Variants in NES observed in about 807,000 individuals in gnomAD.
NES encodes nestin.
NES carries 27 observed loss-of-function variants against 35.6 expected under a neutral mutation model. That is an observed-to-expected ratio of 0.76 (90% CI 0.56 to 1.04). The LOEUF (loss-of-function observed/expected upper bound fraction) is 1.04. Among genes scored for constraint, NES ranks in the 50% least tolerant of loss-of-function variants. The probability of loss-of-function intolerance (pLI) is 0.00; values close to 1 mark genes in which losing one functional copy is unlikely to be tolerated. For missense variants in NES, 1,867 were observed against 1,983.6 expected, an observed-to-expected ratio of 0.94 and a Z score of 1.12; for synonymous variants, 822 against 824.2, an observed-to-expected ratio of 1.00 and a Z score of 0.04.
At position 156,671,654 on chromosome 1, in the gene NES, G is replaced by A; in HGVS notation, c.2534C>T (p.Thr845Ile). Residue 845 changes from threonine to isoleucine, a missense_variant, in exon 4 of 4, where the codon ACT becomes ATT. Transcript: ENST00000368223. ...TTCTGGAGTCCACAGTGGTGCTTGA[G>A]TTTCTGGAGATTTCAGTGTTTCCAG... Reference protein sequence around the residue: ...ENLETLKSPETQAPLWTPEEI... With the variant: ...ENLETLKSPEIQAPLWTPEEI... 1.9e-6 allele frequency: 3 copies of A among 1,613,724 alleles called. No homozygotes were observed. The highest frequency in any genetic ancestry group is 1.7e-6 in the Non-Finnish European group (2 of 1,179,950).
At chr1:156,673,733 TC>T (rs1333178112) in intron 2 of NES, among the ~76,000 whole-genome samples, 6 of 152,100 alleles carry the variant, frequency 3.9e-5, no homozygotes, top group Non-Finnish European at 8.8e-5. Flanking sequence ...TCACACAAAG[TC>T]ACACTGTATT....
rs1369418921 is a variant in NES at position 156,672,674 on chromosome 1, A to G, written c.1514T>C (p.Val505Ala). ...GEGEGQIWGL[V>A]EKETAIEGKV... Reference sequence around the variant, plus strand: ...GCCCTCTATGGCTGTTTCTTTCTCTACCAACCCCCAGATTTGCCCTTCACC... The same window carrying G: ...GCCCTCTATGGCTGTTTCTTTCTCTGCCAACCCCCAGATTTGCCCTTCACC... The change falls in exon 4 of 4, where the codon GTA becomes GCA. Residue 505 changes from valine to alanine, a missense_variant. Val to Ala is a moderately conservative substitution (Grantham distance 64). Coordinates refer to ENST00000368223, the MANE Select transcript of NES (RefSeq NM_006617.2). The G allele has an allele frequency of 1.2e-6, 2 of 1,613,634 alleles. No individual in the cohort carries two copies. Among genetic ancestry groups the G allele is most frequent in the East Asian group, 2.2e-5 (1 of 44,876 alleles).
rs2102586643 is a variant in NES, at chr1:156,672,603, G to C, written c.1585C>G (p.Leu529Val). ...GAGTCCTGGATTTCCTTCCTGTTTA[G>C]ATCCTCTTCTTCCCATATTTCCTGC... ...LQQEIWEEED[L>V]NRKEIQDSQV... The change falls in exon 4 of 4, where the codon CTA becomes GTA. Residue 529 changes from leucine to valine, a missense_variant. Leu to Val is a conservative substitution (Grantham distance 32). Transcript: ENST00000368223. 3 of 1,613,714 alleles carry C rather than the reference G, an allele frequency of 1.9e-6. No individual in the cohort carries two copies. Among genetic ancestry groups the C allele is most frequent in the Non-Finnish European group, 2.5e-6 (3 of 1,179,978 alleles).
At position 156,673,030 on chromosome 1, in the gene NES, G is replaced by A; in HGVS notation, c.1158C>T (p.Ala386=). 6.2e-7 allele frequency: 1 copy of A among 1,611,340 alleles called. No homozygotes were observed. Among genetic ancestry groups the A allele is most frequent in the Non-Finnish European group, 8.5e-7 (1 of 1,177,926 alleles). ...EFLQARTPTL[A]STPIPPTPQA... is the part of the protein sequence containing the mutation. ...GAGGTGTGGGGGGGATGGGGGTGCT[G>A]GCCAAGGTAGGGGTACGGGCCTGGA... Residue 386 remains alanine (A), a synonymous_variant, in exon 4 of 4, where the codon GCC becomes GCT. Transcript: ENST00000368223.
rs533130540 is a variant in NES at position 156,676,285 on chromosome 1, C to T, written c.783+197G>A. ...CTGACTGCCCACCCGGGATGTGCTT[C>T]GAGAAGCCCCACCATTCGCATCCTA... On this transcript the variant is annotated intron_variant, in intron 1 of 3. Coordinates refer to ENST00000368223, the MANE Select transcript of NES (RefSeq NM_006617.2). The surrounding 1 kb of genome is among the most constrained non-coding windows in gnomAD (Gnocchi z 5.3). 1.2e-3 allele frequency among the ~76,000 whole-genome samples: 184 copies of T among 152,180 alleles called. No individual in the cohort carries two copies. Among genetic ancestry groups the T allele is most frequent in the Non-Finnish European group, 2.1e-3 (140 of 68,004 alleles).
At position 156,676,195 on chromosome 1, in the gene NES, G is replaced by C. The variant is rs568780240; in HGVS notation, c.783+287C>G. 6.6e-6 allele frequency among the ~76,000 whole-genome samples: 1 copy of C among 152,222 alleles called. No homozygotes were observed. The highest frequency in any genetic ancestry group is 2.4e-5 in the African/African-American group (1 of 41,458). On this transcript the variant is annotated intron_variant, in intron 1 of 3. Transcript: ENST00000368223. The surrounding 1 kb of genome is among the most constrained non-coding windows in gnomAD (Gnocchi z 5.3). ...AGCCTGGGAAGGGACCCGGAGCCCC[G>C]GTCATCATCAGAGCCAGAAGGTGCC...
intron 1 of NES, 149 bp from the exon 2 acceptor site, chr1:156,675,489 T>G: frequency 6.3e-5 from 53 of 842,426 alleles, no homozygotes; most frequent in Middle Eastern, 3.9e-4. Context: ...CCCTACCCTA[T>G]TCCCTGCCCA....
At chr1:156,674,833 C>T (rs1360286273) in intron 2 of NES, among the ~76,000 whole-genome samples, 5 of 152,232 alleles carry the variant, frequency 3.3e-5, no homozygotes, top group African/African-American at 4.8e-5. Context: ...GCCTGCAATG[C>T]CTCCTTTCCG....
Position 156,672,698 on chromosome 1 carries a change from C to T in NES, c.1490G>A (p.Gly497Asp). The T allele has an allele frequency of 6.2e-7, 1 of 1,613,798 alleles. No homozygotes were observed. The highest frequency in any genetic ancestry group is 8.5e-7 in the Non-Finnish European group (1 of 1,180,036). The change falls in exon 4 of 4, where the codon GGT becomes GAT. Residue 497 changes from glycine (G) to aspartate (D), a missense_variant. By Grantham distance (94) the Gly-to-Asp change is moderately conservative. Transcript: ENST00000368223. ...SRVFSICRGE[G>D]EGQIWGLVEK... Reference sequence around the variant, plus strand: ...TACCAACCCCCAGATTTGCCCTTCACCTTCCCCTCGGCATATGCTGAACAC... The same window carrying T: ...TACCAACCCCCAGATTTGCCCTTCATCTTCCCCTCGGCATATGCTGAACAC...
Position 156,676,837 on chromosome 1 carries a change from G to T in NES, c.428C>A (p.Ala143Glu). 6.9e-7 allele frequency: 1 copy of T among 1,455,836 alleles called. No homozygotes were observed. The highest frequency in any genetic ancestry group is 8.9e-7 in the Non-Finnish European group (1 of 1,117,698). 90.2% of individuals were successfully genotyped at this position (1,455,836 alleles called of 1,614,324 possible). ...CAGGCCGACGCGCTCCTCCTCGTGC[G>T]CCACGCGTAGAGCCTCTAGCTCGCG... ...LERELEALRV[A>E]HEEERVGLNA... The change falls in exon 1 of 4, where the codon GCG becomes GAG. Residue 143 changes from alanine to glutamate, a missense_variant. Transcript: ENST00000368223. The surrounding 1 kb of genome is among the most constrained non-coding windows in gnomAD (Gnocchi z 5.3).
At chr1:156,673,580 G>A (rs1012173547) in intron 2 of NES, 53 bp from the exon 3 acceptor site, 69 of 1,415,170 alleles carry the variant, frequency 4.9e-5, no homozygotes, top group Non-Finnish European at 5.8e-5. Context: ...AGGCCTGCAG[G>A]CAGCAAGCCA....
chr1:156,671,649 C>A lies in NES; in HGVS notation c.2539G>T (p.Ala847Ser). ...ATTTCTTCTGGAGTCCACAGTGGTG[C>A]TTGAGTTTCTGGAGATTTCAGTGTT... ...LETLKSPETQ[A>S]PLWTPEEINQ... Residue 847 changes from alanine (A) to serine (S), a missense_variant, in exon 4 of 4, where the codon GCA becomes TCA. Transcript: ENST00000368223. The A allele has an allele frequency of 6.2e-7, 1 of 1,613,754 alleles. No homozygotes were observed. Among genetic ancestry groups the A allele is most frequent in the Non-Finnish European group, 8.5e-7 (1 of 1,179,968 alleles).
intron 2 of NES, among the ~76,000 whole-genome samples, chr1:156,674,966 C>T (rs548689442): frequency 5.0e-4 from 76 of 152,346 alleles, no homozygotes; most frequent in Admixed American, 4.8e-3. Context: ...GAGGCTGTCC[C>T]GCTCGGCAAT....
At position 156,669,957 on chromosome 1, in the gene NES, C is replaced by G. The variant is rs1679675821; in HGVS notation, c.4231G>C (p.Gly1411Arg). The G allele has an allele frequency of 1.2e-6, 2 of 1,613,552 alleles. No homozygotes were observed. The highest frequency in any genetic ancestry group is 3.3e-4 in the Middle Eastern group (2 of 6,080). Residue 1411 changes from glycine to arginine, a missense_variant, in exon 4 of 4, where the codon GGG becomes CGG. Coordinates refer to ENST00000368223, the MANE Select transcript of NES (RefSeq NM_006617.2). ...AAWDRDGESD[G>R]FADEEESGEE... ...CCACTTTCTTCCTCATCTGCAAACC[C>G]ATCGGACTCCCCATCTCGATCCCAG... is the stretch of plus-strand genomic sequence containing the variant.
In NES at chr1:156,671,128, T is replaced by C; in HGVS notation, c.3060A>G (p.Lys1020=). 2 of 1,614,126 alleles carry C rather than the reference T, an allele frequency of 1.2e-6. No individual in the cohort carries two copies. The highest frequency in any genetic ancestry group is 1.7e-6 in the Non-Finnish European group (2 of 1,180,018). Residue 1020 remains lysine (K), a synonymous_variant, in exon 4 of 4, where the codon AAA becomes AAG. Transcript: ENST00000368223. ...CTCCCTCAACCAGGCCTCTCTGCTC[T>C]TTGGGCTCAGGGCTCTCTGGGTGCC... is the stretch of plus-strand genomic sequence containing the variant. ...GEGHPESPEP[K]EQRGLVEGAS...
rs1571461639 is a variant in NES at position 156,669,867 on chromosome 1, A to C, written c.4321T>G (p.Ser1441Ala). 1 of 1,612,376 alleles carries C rather than the reference A, an allele frequency of 6.2e-7. No individual in the cohort carries two copies. ...AGGGCCTGGAGGCTGCCAACAGAAG[A>C]CCCTGGCCCCCACCGCCCAGCCCCT... ...EPGAGRWGPG[S>A]SVGSLQALSS... Residue 1441 changes from serine (S) to alanine (A), a missense_variant, in exon 4 of 4, where the codon TCT becomes GCT. Coordinates refer to ENST00000368223, the MANE Select transcript of NES (RefSeq NM_006617.2).
In NES at chr1:156,677,201, A is replaced by G; in HGVS notation, c.64T>C (p.Tyr22His). 1 of 1,611,104 alleles carries G rather than the reference A, an allele frequency of 6.2e-7. No individual in the cohort carries two copies. The highest frequency in any genetic ancestry group is 1.3e-5 in the African/African-American group (1 of 74,934). Residue 22 changes from tyrosine to histidine, a missense_variant, in exon 1 of 4, where the codon TAC becomes CAC. Transcript: ENST00000368223. This position sits in a 1 kb window ranked among gnomAD's most constrained non-coding sequence, Gnocchi z 4.5. The stretch of plus-strand genomic sequence containing the variant: ...TCCAGCGCCTTGACCCGGGCCAGGT[A>G]GGCCTCCAGGCGCCGATTGAGCTCC... The part of the protein sequence containing the change: ...MWELNRRLEA[Y>H]LARVKALEEQ...
chr1:156,676,689 G>T lies in NES; in HGVS notation c.576C>A (p.Gly192=). ...CCATGTGTGCCACGCGCTCCTGGTA[G>T]CCGCGCACTGCCCCGCGCCACGCCT... ...LGEAWRGAVR[G]YQERVAHMET... is the part of the protein sequence containing the mutation. Residue 192 remains glycine (G), a synonymous_variant, in exon 1 of 4, where the codon GGC becomes GGA. Coordinates refer to ENST00000368223, the MANE Select transcript of NES (RefSeq NM_006617.2). The surrounding 1 kb of genome is among the most constrained non-coding windows in gnomAD (Gnocchi z 5.3). The T allele has an allele frequency of 6.7e-7, 1 of 1,488,094 alleles. No homozygotes were observed. Among genetic ancestry groups the T allele is most frequent in the Admixed American group, 2.4e-5 (1 of 42,386 alleles). 92.2% of individuals were successfully genotyped at this position (1,488,094 alleles called of 1,614,324 possible).
chr1:156,671,444 C>T lies in NES; in HGVS notation c.2744G>A (p.Arg915Lys), dbSNP rs777469107. The change falls in exon 4 of 4, where the codon AGG becomes AAG. Residue 915 changes from arginine (R) to lysine (K), a missense_variant. Physicochemically the swap from Arg to Lys is conservative, Grantham distance 26. Transcript: ENST00000368223. ...SPEEVDKESQ[R>K]NLEEEENLGK... ...CAGGTTCTCTTCCTCTTCCAGATTC[C>T]TTTGACTTTCCTTGTCTACCTCCTC... 1 of 1,613,992 alleles carries T rather than the reference C, an allele frequency of 6.2e-7. No individual in the cohort carries two copies. Among genetic ancestry groups the T allele is most frequent in the Non-Finnish European group, 8.5e-7 (1 of 1,180,032 alleles).
Sources: gnomAD v4.1 joint callset for allele counts (sites outside exome capture counted in the v4.1 genomes callset) on GRCh38, gnomAD v4.1.1 for gene constraint, Gnocchi (gnomAD v3.1) non-coding constraint, MANE v1.5 for transcripts, NCBI Gene and HGNC (gene_info 2026-07-23, HGNC 2026-07-21) for gene names.